The following COL6A1 variants were observed in gnomAD, a reference collection of about 807,000 sequenced individuals.
The protein encoded by COL6A1 is collagen alpha-1(VI) chain.
A neutral mutation model predicts 145.6 loss-of-function variants in COL6A1; 80 were observed. The observed-to-expected ratio is 0.55, with a 90% CI of 0.46 to 0.66. The LOEUF (loss-of-function observed/expected upper bound fraction) is 0.66. COL6A1 is among the 30% of genes least tolerant of loss of function. The pLI is 0.00. For missense variants in COL6A1, 1,364 were observed against 1,473.8 expected (o/e 0.93, Z 1.22); for synonymous variants, 638 against 622.8 (o/e 1.02, Z -0.36).
At chr21:45,992,266 TTCTGATCC>T (rs1569518341) in intron 17 of COL6A1, 49 bp downstream of exon 17, 4 of 1,613,670 alleles carry the variant, frequency 2.5e-6, no homozygotes, top group Non-Finnish European at 3.4e-6. Flanking sequence ...TGGCCTCAGC[TTCTGATCC>T]TCTTTGCTCG....
chr21:46,004,155 C>T lies in COL6A1; in HGVS notation c.*142C>T. 1 of 1,177,606 alleles carries T rather than the reference C, an allele frequency of 8.5e-7. No homozygotes were observed. Among genetic ancestry groups the T allele is most frequent in the Non-Finnish European group, 1.2e-6 (1 of 832,984 alleles). The allele number at this position is 1,177,606 out of a possible 1,614,324, so 72.9% of individuals were successfully genotyped here. ...AGGAAAAGCTTGGAAAGCCAGGACA[C>T]AACGCTGCTGCCTGCTTTGTGCAGG... is the stretch of plus-strand genomic sequence containing the variant. On this transcript the variant is annotated 3_prime_UTR_variant, in exon 35 of 35. Transcript: ENST00000361866.
intron 31 of COL6A1, 54 bp from the exon 32 acceptor site, chr21:46,002,164 C>T (rs924305625): frequency 3.2e-6 from 5 of 1,568,960 alleles, no homozygotes; most frequent in Non-Finnish European, 2.6e-6. Context: ...CAGGTGGGCT[C>T]GGCCCCGCGG....
chr21:46,001,194 G>A, intron 29 of COL6A1, 59 bp from the exon 30 acceptor site: 1 of 1,581,424 alleles, frequency 6.3e-7, no homozygotes, highest in Non-Finnish European at 8.6e-7. Context: ...CGGTGGAGGG[G>A]AGGGGCCAGG....
intron 15 of COL6A1, 130 bp downstream of exon 15, chr21:45,991,171 C>T (rs1476066283): frequency 2.0e-6 from 2 of 990,964 alleles, no homozygotes; most frequent in Non-Finnish European, 3.1e-6. Flanking sequence ...AGGGGAGGAG[C>T]TGGTGGAGGC....
Position 46,002,327 on chromosome 21 carries a change from GT to G in COL6A1, c.2177del (p.Val726AlafsTer77). On this transcript the variant is annotated frameshift_variant, in exon 32 of 35. Transcript: ENST00000361866. LOFTEE classifies it high-confidence loss of function. ...PPSPNNRIAL[V>X]ITDGRSDTQR... ...CAGCCCGAACAACCGCATCGCCCTG[GT>G]CATCACTGACGGGCGCTCAGACACT... The G allele has an allele frequency of 6.3e-7, 1 of 1,592,850 alleles. No individual in the cohort carries two copies. The highest frequency in any genetic ancestry group is 8.5e-7 in the Non-Finnish European group (1 of 1,170,980).
rs531000806 is a variant in COL6A1, at chr21:46,000,393, C to T, written c.1813+26C>T. The stretch of plus-strand genomic sequence containing the variant: ...GTGAGTATCTCTGAGAAGCCGTCCT[C>T]GTTAGGGAGAGCAGGGCCGCCAGCC... On this transcript the variant is annotated intron_variant, in intron 28 of 34. Coordinates refer to ENST00000361866, the MANE Select transcript of COL6A1 (RefSeq NM_001848.3). The T allele has an allele frequency of 4.4e-5, 71 of 1,613,616 alleles. 1 individual carries two copies. In the South Asian group the frequency reaches 4.8e-4, roughly 11 times the overall value.
rs909708317 is a variant in COL6A1, at chr21:45,998,119, A to AG, written c.1526dup. On this transcript the variant is annotated splice_acceptor_variant, in intron 22 of 34. Coordinates refer to ENST00000361866, the MANE Select transcript of COL6A1 (RefSeq NM_001848.3). LOFTEE classifies it high-confidence loss of function. ...ACGGTGACGGCTACTCTGCTCCCCC[A>AG]GGGAGAAGACGGCCCCGCTGGAAAT... 1.2e-6 allele frequency: 2 copies of AG among 1,611,810 alleles called. No individual in the cohort carries two copies. The highest frequency in any genetic ancestry group is 2.7e-5 in the African/African-American group (2 of 74,884).
rs1258934082 is a variant in COL6A1 at position 45,984,435 on chromosome 21, G to A, written c.394G>A (p.Ala132Thr). Residue 132 changes from alanine to threonine, a missense_variant, in exon 3 of 35, where the codon GCT (alanine) becomes ACT (threonine). This residue lies in a region of COL6A1 where 414 missense variants were observed against 437.6 expected (regional missense o/e 0.95). Transcript: ENST00000361866. ...TGGGAAGGGCACCTACACCGACTGCGCTATCAAGAAGGGGCTGGAGCAGCT... is the reference window on the plus strand; with the variant it reads ...TGGGAAGGGCACCTACACCGACTGCACTATCAAGAAGGGGCTGGAGCAGCT... ...YFGKGTYTDC[A>T]IKKGLEQLLV... 3.7e-6 allele frequency: 6 copies of A among 1,611,886 alleles called. No homozygotes were observed. Among genetic ancestry groups the A allele is most frequent in the African/African-American group, 1.3e-5 (1 of 74,952 alleles).
At position 46,003,374 on chromosome 21, in the gene COL6A1, C is replaced by T. The variant is rs765040998; in HGVS notation, c.2465-17C>T. On this transcript the variant is annotated splice_polypyrimidine_tract_variant and intron_variant, in intron 34 of 34. Coordinates refer to ENST00000361866, the MANE Select transcript of COL6A1 (RefSeq NM_001848.3). Reference sequence around the variant, plus strand: ...CACCAGGGCCTCATGCTAACGGCTGCCCACCCCGCCCCGCAGTCACGTTCT... The same window carrying T: ...CACCAGGGCCTCATGCTAACGGCTGTCCACCCCGCCCCGCAGTCACGTTCT... 1 of 1,599,074 alleles carries T rather than the reference C, an allele frequency of 6.3e-7. No homozygotes were observed. Among genetic ancestry groups the T allele is most frequent in the East Asian group, 2.2e-5 (1 of 44,862 alleles).
In COL6A1 at chr21:46,000,782, C is replaced by T; in HGVS notation, c.1822+15C>T. On this transcript the variant is annotated intron_variant, in intron 29 of 34. Transcript: ENST00000361866. ...AGCTTGCTGTGGTGAGACCCAGGCT[C>T]TAGCTCCTGAGAGAATGGATCCCGG... is the stretch of plus-strand genomic sequence containing the variant. 1 of 1,613,888 alleles carries T rather than the reference C, an allele frequency of 6.2e-7. No homozygotes were observed. Among genetic ancestry groups the T allele is most frequent in the African/African-American group, 1.3e-5 (1 of 75,052 alleles).
rs745664303 is a variant in COL6A1, at chr21:45,984,482, C to T, written c.428+13C>T. ...AGCTCCTCGTGGGGTGAGTGGCCCC[C>T]AGCCTCCTGCCCACGCCAGTTCTCA... On this transcript the variant is annotated intron_variant, in intron 3 of 34. Transcript: ENST00000361866. 25 of 1,606,702 alleles carry T rather than the reference C, an allele frequency of 1.6e-5. No homozygotes were observed. The East Asian group carries it at 4.9e-4, about 32-fold the overall frequency.
intron 2 of COL6A1, among the ~76,000 whole-genome samples, chr21:45,983,455 G>A (rs1047084913): frequency 6.6e-6 from 1 of 152,130 alleles, no homozygotes; most frequent in Non-Finnish European, 1.5e-5. Context: ...TGGGGACACA[G>A]CTTAGCCGGC....
intron 34 of COL6A1, 106 bp from the exon 35 acceptor site, chr21:46,003,285 A>G (rs1329052842): frequency 1.2e-6 from 2 of 1,600,068 alleles, no homozygotes; most frequent in Non-Finnish European, 8.5e-7. Flanking sequence ...GTGGCTGAGC[A>G]CCACCGTGCC....
At chr21:45,987,745 T>C in intron 8 of COL6A1, 91 bp downstream of exon 8, 1 of 1,428,892 alleles carries the variant, frequency 7.0e-7, no homozygotes, top group Non-Finnish European at 9.5e-7. Flanking sequence ...AAGTCCACCA[T>C]GAGGATCCAG....
intron 27 of COL6A1, among the ~76,000 whole-genome samples, chr21:45,999,904 T>TGGGGGGGACCC (rs2077829853): frequency 4.5e-5 from 1 of 22,134 alleles, no homozygotes; most frequent in Non-Finnish European, 8.9e-5. Flanking sequence ...AGAGGGGACA[T>TGGGGGGGACCC]GTGAGGATCA....
At chr21:46,000,221 A>G in intron 27 of COL6A1, 110 bp from the exon 28 acceptor site, 2 of 1,280,432 alleles carry the variant, frequency 1.6e-6, no homozygotes, top group Non-Finnish European at 1.1e-6. Flanking sequence ...TCCTGCCCAA[A>G]CCCCGCCCTG....
intron 21 of COL6A1, 41 bp from the exon 22 acceptor site, chr21:45,997,659 A>G (rs1364734838): frequency 3.8e-6 from 6 of 1,568,430 alleles, no homozygotes; most frequent in African/African-American, 1.4e-5. Flanking sequence ...CAAGGTCACC[A>G]TGCTAAGCCT....
Position 46,004,229 on chromosome 21 carries a change from TG to T in COL6A1, c.*220del, listed in dbSNP as rs2077867803. ...TTGGCATCACCTGCGCAGGGCCCTC[TG>T]GGGCTCAGCCCTGAGCTAGTGTCAC... On this transcript the variant is annotated 3_prime_UTR_variant, in exon 35 of 35. Transcript: ENST00000361866. The T allele has an allele frequency of 1.6e-6, 1 of 632,410 alleles. No individual in the cohort carries two copies. The highest frequency in any genetic ancestry group is 1.8e-5 in the African/African-American group (1 of 54,492). 39.2% of individuals were successfully genotyped at this position (632,410 alleles called of 1,614,324 possible). A position where few individuals can be genotyped will look rare whatever the true frequency, so the allele number is the denominator to read the frequency against.
In COL6A1 at chr21:45,984,935, CAG is replaced by C. The variant is rs970864790; in HGVS notation, c.428+472_428+473del. Among the ~76,000 whole-genome samples, 19 of 144,528 alleles carry C rather than the reference CAG, an allele frequency of 1.3e-4. 2 individuals carry two copies. Among genetic ancestry groups the C allele is most frequent in the African/African-American group, 4.9e-4 (19 of 38,394 alleles). The allele number at this position is 144,528 out of a possible 152,430, so 94.8% of individuals were successfully genotyped here. On this transcript the variant is annotated intron_variant, in intron 3 of 34. Coordinates refer to ENST00000361866, the MANE Select transcript of COL6A1 (RefSeq NM_001848.3). ...AGAGACAGAGACAGACAAACAGAGA[CAG>C]AGAGACAGAAACAGGGACAGAGACA...
Sources: allele counts gnomAD v4.1 joint callset (sites outside exome capture counted in the v4.1 genomes callset), GRCh38; gene constraint gnomAD v4.1.1; regional missense constraint gnomAD v4.1.1; transcripts MANE v1.5; gene names NCBI Gene and HGNC (gene_info 2026-07-23, HGNC 2026-07-21).